The following PRKG1 variants were observed in gnomAD, a reference collection of about 807,000 sequenced individuals.
PRKG1 encodes the protein protein kinase cGMP-dependent 1.
A neutral mutation model predicts 88.1 loss-of-function variants in PRKG1; 35 were observed. The observed-to-expected ratio is 0.40, with a 90% CI of 0.30 to 0.53. The LOEUF is 0.53. Ranked by LOEUF, PRKG1 falls within the 20% of genes least tolerant of loss-of-function variation. The pLI is 0.59. For missense variants in PRKG1, 540 were observed against 839.8 expected, an observed-to-expected ratio of 0.64 and a Z score of 4.41; for synonymous variants, 303 against 292.5, an observed-to-expected ratio of 1.04 and a Z score of -0.37.
intron 5 of PRKG1, chr10:51,908,057 A>C (rs927157101): frequency 1.3e-5 from 2 of 152,700 alleles, no homozygotes; most frequent in Admixed American, 6.5e-5. Flanking sequence ...TTTGAGAAAG[A>C]GGAGAAACAA....
At chr10:51,649,012 C>T (rs1241979337) in intron 3 of PRKG1, among the ~76,000 whole-genome samples, 1 of 151,964 alleles carries the variant, frequency 6.6e-6, no homozygotes, top group African/African-American at 2.4e-5. Flanking sequence ...GAAACTAAAC[C>T]CCGTCTCTAT....
At chr10:51,854,003 G>A (rs986686831) in intron 4 of PRKG1, among the ~76,000 whole-genome samples, 1 of 151,958 alleles carries the variant, frequency 6.6e-6, no homozygotes, top group Non-Finnish European at 1.5e-5. Context: ...AACAGCAATT[G>A]TTTCTACTAA....
rs571544210 is a variant in PRKG1 at position 51,698,257 on chromosome 10, A to C, written c.593-106328A>C. The C allele has an allele frequency of 2.8e-5, 45 of 1,613,718 alleles. No homozygotes were observed. In the South Asian group the frequency reaches 4.8e-4, roughly 17 times the overall value. ...TCTCCATTCCTCTCCTCTCCATTAC[A>C]CGTGTCTCTAAGACCTCAGTTTCCA... On this transcript the variant is annotated intron_variant, in intron 3 of 17. Transcript: ENST00000373980.
At chr10:52,284,212 TCTAAATAACCTCAAGGA>T (rs1346653841) in intron 14 of PRKG1, among the ~76,000 whole-genome samples, 1 of 151,990 alleles carries the variant, frequency 6.6e-6, no homozygotes, top group Non-Finnish European at 1.5e-5. Context: ...AAAGCATTTT[TCTAAATAACCTCAAGGA>T]CATAGAAATT....
chr10:51,847,347 AT>A, intron 4 of PRKG1, among the ~76,000 whole-genome samples: 1 of 152,336 alleles, frequency 6.6e-6, no homozygotes, highest in East Asian at 1.9e-4. Flanking sequence ...CTCTCAAAAA[AT>A]AATAAGTTTT....
At chr10:51,236,217 C>A (rs1354742260) in intron 2 of PRKG1, among the ~76,000 whole-genome samples, 2 of 152,164 alleles carry the variant, frequency 1.3e-5, no homozygotes, top group East Asian at 3.8e-4. Context: ...ACCTCATTGA[C>A]AGGGGAGAGC....
chr10:52,284,021 A>C (rs1433295110), intron 14 of PRKG1, among the ~76,000 whole-genome samples: 1 of 151,992 alleles, frequency 6.6e-6, no homozygotes, highest in Non-Finnish European at 1.5e-5. Context: ...GGTGAAAATG[A>C]TTAAAACCTT....
At chr10:51,931,484 T>A (rs1328106218) in intron 5 of PRKG1, among the ~76,000 whole-genome samples, 1 of 152,104 alleles carries the variant, frequency 6.6e-6, no homozygotes, top group Admixed American at 6.6e-5. Context: ...AATAAAATGC[T>A]AAAGATGGGA....
intron 1 of PRKG1, among the ~76,000 whole-genome samples, chr10:51,130,457 C>T (rs1056175888): frequency 6.6e-6 from 1 of 152,182 alleles, no homozygotes; most frequent in Non-Finnish European, 1.5e-5. Flanking sequence ...CTCTCTTCAT[C>T]ATTATTTCTT....
At chr10:51,172,477 A>G (rs1160012496) in intron 2 of PRKG1, among the ~76,000 whole-genome samples, 1 of 152,066 alleles carries the variant, frequency 6.6e-6, no homozygotes, top group Non-Finnish European at 1.5e-5. Context: ...ATCTTTTGGA[A>G]AGCTTGGATT....
chr10:52,104,007 T>A (rs1014128073), intron 7 of PRKG1, among the ~76,000 whole-genome samples: 4 of 135,068 alleles, frequency 3.0e-5, no homozygotes, highest in Non-Finnish European at 4.8e-5. Flanking sequence ...TGTGTATATA[T>A]AATATATATA....
At chr10:51,044,939 T>C (rs1041492299) in intron 1 of PRKG1, among the ~76,000 whole-genome samples, 2 of 152,208 alleles carry the variant, frequency 1.3e-5, no homozygotes, top group Admixed American at 6.5e-5. Flanking sequence ...GGATTTAGCT[T>C]ACTTGCTTCC....
intron 3 of PRKG1, among the ~76,000 whole-genome samples, chr10:51,480,573 A>G (rs1447321866): frequency 2.6e-5 from 4 of 151,030 alleles, no homozygotes; most frequent in African/African-American, 9.7e-5. Flanking sequence ...AAAAAAAAAA[A>G]GCTTAAAAGG....
At chr10:51,083,738 T>A (rs1482479393) in intron 1 of PRKG1, among the ~76,000 whole-genome samples, 1 of 152,156 alleles carries the variant, frequency 6.6e-6, no homozygotes, top group African/African-American at 2.4e-5. Context: ...GTGTCCCTCA[T>A]GAAGACTTCC....
Position 51,680,134 on chromosome 10 carries a change from G to A in PRKG1, c.593-124451G>A, listed in dbSNP as rs563213546. On this transcript the variant is annotated intron_variant, in intron 3 of 17. Coordinates refer to ENST00000373980, the MANE Select transcript of PRKG1 (RefSeq NM_006258.4). Reference sequence around the variant, plus strand: ...AATCTGCTCTAGTATTGGGTTAGCCGCAGGCCAATTCACCTCAGCCTTTAA... The same window carrying A: ...AATCTGCTCTAGTATTGGGTTAGCCACAGGCCAATTCACCTCAGCCTTTAA... 8.8e-4 allele frequency among the ~76,000 whole-genome samples: 134 copies of A among 152,200 alleles called. 6 individuals are homozygous for A. The highest frequency in any genetic ancestry group is 7.5e-3 in the Admixed American group (115 of 15,300).
chr10:51,212,845 A>C (rs1589249014), intron 2 of PRKG1, among the ~76,000 whole-genome samples: 1 of 152,346 alleles, frequency 6.6e-6, no homozygotes, highest in East Asian at 1.9e-4. Context: ...GTGAAGAAAT[A>C]GGAACACTTT....
At chr10:52,278,981 T>C (rs897306737) in intron 12 of PRKG1, among the ~76,000 whole-genome samples, 2 of 152,152 alleles carry the variant, frequency 1.3e-5, no homozygotes, top group Admixed American at 1.3e-4. Flanking sequence ...TTTTGTTTTG[T>C]TTTGCTTTGC....
At chr10:52,095,559 T>C (rs1847153771) in intron 7 of PRKG1, among the ~76,000 whole-genome samples, 1 of 152,204 alleles carries the variant, frequency 6.6e-6, no homozygotes, top group Admixed American at 6.5e-5. Flanking sequence ...CCTTTGTTTA[T>C]TGTTAGGTCC....
chr10:51,863,887 T>C (rs1221342054), intron 4 of PRKG1, among the ~76,000 whole-genome samples: 1 of 152,246 alleles, frequency 6.6e-6, no homozygotes, highest in East Asian at 1.9e-4. Flanking sequence ...TTTGCATCTC[T>C]GCTTATCAAC....
Sources: allele counts gnomAD v4.1 joint callset (sites outside exome capture counted in the v4.1 genomes callset), GRCh38; gene constraint gnomAD v4.1.1; transcripts MANE v1.5; gene names NCBI Gene and HGNC (gene_info 2026-07-23, HGNC 2026-07-21).